ARHGAP31: variants seen among roughly 807,000 people sequenced by gnomAD.
ARHGAP31 encodes the protein Rho GTPase activating protein 31.
In ARHGAP31, 34 loss-of-function variants were observed where a neutral mutation model predicts 113.9. The ratio of observed to expected loss-of-function variants is 0.30; its 90% CI spans 0.23 to 0.40. The LOEUF (loss-of-function observed/expected upper bound fraction) is 0.40. ARHGAP31 is among the 10% of genes least tolerant of loss of function. The pLI, the probability that ARHGAP31 is intolerant of heterozygous loss-of-function variation, is 1.00. For missense variants in ARHGAP31, 1,548 were observed against 1,767.1 expected, an observed-to-expected ratio of 0.88 and a Z score of 2.22; for synonymous variants, 650 against 684.8, an observed-to-expected ratio of 0.95 and a Z score of 0.79.
chr3:119,387,670 T>C (rs1349434298), intron 6 of ARHGAP31, among the ~76,000 whole-genome samples: 1 of 152,206 alleles, frequency 6.6e-6, no homozygotes, highest in Admixed American at 6.5e-5. Flanking sequence ...GAGATTGTGA[T>C]ATCTCTAATA....
At chr3:119,381,202 C>T (rs2080394096) in intron 4 of ARHGAP31, among the ~76,000 whole-genome samples, 1 of 152,152 alleles carries the variant, frequency 6.6e-6, no homozygotes, top group Non-Finnish European at 1.5e-5. Flanking sequence ...CTCCAAATCA[C>T]CTGCAGAACA....
intron 1 of ARHGAP31, among the ~76,000 whole-genome samples, chr3:119,346,909 G>T (rs566545479): frequency 2.6e-5 from 4 of 152,296 alleles, no homozygotes; most frequent in African/African-American, 9.6e-5. Flanking sequence ...AATCAGGCAG[G>T]TTCAATACAA....
Position 119,416,255 on chromosome 3 carries a change from A to G in ARHGAP31, c.4326A>G (p.Gln1442=), listed in dbSNP as rs2080776937. The G allele has an allele frequency of 1.2e-6, 2 of 1,613,790 alleles. No individual in the cohort carries two copies. The highest frequency in any genetic ancestry group is 2.7e-5 in the African/African-American group (2 of 74,940). ...SVILDGRSGR[Q]IE Reference sequence around the variant, plus strand: ...TTCTGGATGGAAGAAGTGGGAGGCAAATAGAATGATTTCGGTTCACCTGCT... The same window carrying G: ...TTCTGGATGGAAGAAGTGGGAGGCAGATAGAATGATTTCGGTTCACCTGCT... The change falls in exon 12 of 12, where the codon CAA becomes CAG. Residue 1442 remains glutamine, a synonymous_variant. Transcript: ENST00000264245.
At chr3:119,306,635 T>A (rs936731077) in intron 1 of ARHGAP31, among the ~76,000 whole-genome samples, 1 of 152,204 alleles carries the variant, frequency 6.6e-6, no homozygotes, top group African/African-American at 2.4e-5. Context: ...TTCTACCGAA[T>A]GGGTTCCATA....
chr3:119,393,013 G>A (rs540402548), intron 7 of ARHGAP31, among the ~76,000 whole-genome samples: 5 of 152,258 alleles, frequency 3.3e-5, no homozygotes, highest in East Asian at 1.9e-4. Flanking sequence ...AGGCTGAAGC[G>A]AGAGGATGGT....
intron 7 of ARHGAP31, among the ~76,000 whole-genome samples, chr3:119,391,952 C>T (rs980130851): frequency 1.3e-5 from 2 of 152,160 alleles, no homozygotes; most frequent in African/African-American, 4.8e-5. Context: ...TCATTTCTCC[C>T]TGATCCTCCA....
intron 1 of ARHGAP31, among the ~76,000 whole-genome samples, chr3:119,307,102 T>C (rs141394497): frequency 2.6e-5 from 4 of 151,980 alleles, no homozygotes; most frequent in Admixed American, 2.0e-4. Context: ...CTATCCGCAG[T>C]GTGTAGCAGG....
intron 1 of ARHGAP31, among the ~76,000 whole-genome samples, chr3:119,346,153 C>G (rs191663690): frequency 8.1e-4 from 123 of 152,330 alleles, no homozygotes; most frequent in African/African-American, 2.7e-3. Context: ...GGGGCCCTAG[C>G]CTGAGGCTAC....
At chr3:119,355,813 A>G (rs2107618572) in intron 1 of ARHGAP31, among the ~76,000 whole-genome samples, 1 of 152,244 alleles carries the variant, frequency 6.6e-6, no homozygotes, top group African/African-American at 2.4e-5. Context: ...AAGGACATGA[A>G]CTCATCCTTT....
At chr3:119,350,512 T>G (rs2080102074) in intron 1 of ARHGAP31, among the ~76,000 whole-genome samples, 1 of 152,090 alleles carries the variant, frequency 6.6e-6, no homozygotes, top group South Asian at 2.1e-4. Context: ...TGGAAACCAT[T>G]AGGAAGCTCT....
intron 11 of ARHGAP31, among the ~76,000 whole-genome samples, chr3:119,411,062 A>G (rs1314206216): frequency 6.6e-6 from 1 of 152,166 alleles, no homozygotes; most frequent in African/African-American, 2.4e-5. Context: ...AAAGAATAAG[A>G]TGTGCCATGA....
At chr3:119,295,154 A>G in intron 1 of ARHGAP31, 150 bp downstream of exon 1, 1 of 738,822 alleles carries the variant, frequency 1.4e-6, no homozygotes, top group Non-Finnish European at 2.3e-6. Flanking sequence ...TTTTTTTTTA[A>G]AGAACATAAA....
intron 1 of ARHGAP31, among the ~76,000 whole-genome samples, chr3:119,348,139 C>CA (rs943770793): frequency 6.6e-6 from 1 of 152,240 alleles, no homozygotes; most frequent in African/African-American, 2.4e-5. Flanking sequence ...AGCCTGAACA[C>CA]AATCATGAAC....
chr3:119,348,825 C>T (rs1021054612), intron 1 of ARHGAP31, among the ~76,000 whole-genome samples: 5 of 152,206 alleles, frequency 3.3e-5, no homozygotes, highest in Non-Finnish European at 5.9e-5. Context: ...GCAGAACCCA[C>T]AAATATGGGT....
chr3:119,385,380 T>C (rs1370632621), intron 6 of ARHGAP31, among the ~76,000 whole-genome samples: 1 of 152,216 alleles, frequency 6.6e-6, no homozygotes, highest in Non-Finnish European at 1.5e-5. Context: ...TTCTGCTTTT[T>C]GTGATTATGT....
intron 1 of ARHGAP31, among the ~76,000 whole-genome samples, chr3:119,297,176 A>G (rs977963051): frequency 7.2e-5 from 11 of 152,240 alleles, no homozygotes; most frequent in Admixed American, 1.3e-4. Context: ...TCCCTCAGCT[A>G]AAACTAGTTG....
chr3:119,326,707 T>G (rs1218342827), intron 1 of ARHGAP31, among the ~76,000 whole-genome samples: 1 of 152,234 alleles, frequency 6.6e-6, no homozygotes, highest in Non-Finnish European at 1.5e-5. Flanking sequence ...TGTGTTTTAG[T>G]GCGTTTTGCC....
chr3:119,380,519 G>A (rs2080387180), intron 3 of ARHGAP31, among the ~76,000 whole-genome samples: 1 of 151,922 alleles, frequency 6.6e-6, no homozygotes, highest in Non-Finnish European at 1.5e-5. Context: ...CTGAGTAGCT[G>A]GGATAACAGG....
chr3:119,372,441 G>A (rs140350761), intron 3 of ARHGAP31, among the ~76,000 whole-genome samples: 6,366 of 151,852 alleles, frequency 0.042, 368 homozygotes, highest in South Asian at 0.13. Flanking sequence ...TCGCCACCAC[G>A]CCCACTAATT....
Sources: allele counts gnomAD v4.1 joint callset (sites outside exome capture counted in the v4.1 genomes callset), GRCh38; gene constraint gnomAD v4.1.1; transcripts MANE v1.5; gene names NCBI Gene and HGNC (gene_info 2026-07-23, HGNC 2026-07-21).